ATOSA: variants seen among roughly 807,000 people sequenced by gnomAD.
ATOSA encodes the protein atos homolog A.
the ATOSA span, among the ~76,000 whole-genome samples, chr15:52,646,642 G>A: frequency 1.3e-5 from 2 of 151,976 alleles, no homozygotes; most frequent in African/African-American, 4.8e-5. Context: ...TTGAAGTGGG[G>A]GAAAAAAACC....
the ATOSA span, among the ~76,000 whole-genome samples, chr15:52,663,830 C>T: frequency 6.6e-6 from 1 of 152,048 alleles, no homozygotes; most frequent in Non-Finnish European, 1.5e-5. Flanking sequence ...CTCCCTATGT[C>T]ACCCAGGCTC....
At chr15:52,631,616 T>C in the ATOSA span, among the ~76,000 whole-genome samples, 7 of 152,192 alleles carry the variant, frequency 4.6e-5, no homozygotes, top group Non-Finnish European at 1.0e-4. Context: ...CTAGAATGCA[T>C]TTTACATTTT....
chr15:52,650,360 G>A, the ATOSA span, among the ~76,000 whole-genome samples: 2 of 151,976 alleles, frequency 1.3e-5, no homozygotes, highest in East Asian at 3.9e-4. Context: ...TCAAGTTTTT[G>A]GCTGCACCTT....
At chr15:52,619,559 T>C in the ATOSA span, among the ~76,000 whole-genome samples, 6 of 152,100 alleles carry the variant, frequency 3.9e-5, no homozygotes, top group Non-Finnish European at 8.8e-5. Context: ...ATAAATAAAT[T>C]ATTTGGCCAG....
chr15:52,683,459 T>C, the ATOSA span, among the ~76,000 whole-genome samples: 2 of 152,212 alleles, frequency 1.3e-5, no homozygotes, highest in African/African-American at 4.8e-5. Flanking sequence ...TTGGTTGATA[T>C]ACACTTAGGC....
chr15:52,604,358 A>G, the ATOSA span, among the ~76,000 whole-genome samples: 2 of 152,376 alleles, frequency 1.3e-5, no homozygotes, highest in African/African-American at 4.8e-5. Flanking sequence ...ATACATTTAA[A>G]TTCTACATCT....
chr15:52,692,254 C>T, the ATOSA span, among the ~76,000 whole-genome samples: 1 of 152,188 alleles, frequency 6.6e-6, no homozygotes, highest in Non-Finnish European at 1.5e-5. Flanking sequence ...AATTGCCATA[C>T]TATCTGAATA....
chr15:52,646,169 T>C, the ATOSA span, among the ~76,000 whole-genome samples: 1 of 152,310 alleles, frequency 6.6e-6, no homozygotes, highest in African/African-American at 2.4e-5. Flanking sequence ...CAACATCCTA[T>C]TTCCCACTGA....
At chr15:52,672,091 CT>C in the ATOSA span, among the ~76,000 whole-genome samples, 1 of 139,360 alleles carries the variant, frequency 7.2e-6, no homozygotes, top group Admixed American at 8.0e-5. Flanking sequence ...AATCCCAGCA[CT>C]TTGAGAGGCT....
chr15:52,604,990 T>C, the ATOSA span: 1 of 593,252 alleles, frequency 1.7e-6, no homozygotes, highest in East Asian at 3.2e-5. Flanking sequence ...AGCTGTAAAA[T>C]GTGTTATCAA....
At chr15:52,621,013 C>T in the ATOSA span, among the ~76,000 whole-genome samples, 7,202 of 152,204 alleles carry the variant, frequency 0.047, 314 homozygotes, top group East Asian at 0.24. Context: ...AAAAATTCTC[C>T]TTCTATGAAT....
At chr15:52,671,594 C>T in the ATOSA span, among the ~76,000 whole-genome samples, 1 of 151,952 alleles carries the variant, frequency 6.6e-6, no homozygotes, top group South Asian at 2.1e-4. Context: ...AAAGAAATTA[C>T]AAAATGTGGT....
the ATOSA span, among the ~76,000 whole-genome samples, chr15:52,690,834 G>A: frequency 2.6e-5 from 4 of 152,164 alleles, no homozygotes; most frequent in Non-Finnish European, 4.4e-5. Flanking sequence ...CAAGATAACA[G>A]ACTGAAAATA....
the ATOSA span, among the ~76,000 whole-genome samples, chr15:52,619,857 GA>G: frequency 8.0e-6 from 1 of 125,316 alleles, no homozygotes; most frequent in African/African-American, 2.6e-5. Flanking sequence ...GAAAAGAAAA[GA>G]AAAATAAATT....
the ATOSA span, among the ~76,000 whole-genome samples, chr15:52,638,990 G>T: frequency 7.2e-6 from 1 of 138,112 alleles, no homozygotes; most frequent in African/African-American, 2.7e-5. Context: ...TGATTATGAA[G>T]AAAAAAAATT....
At chr15:52,600,295 T>A in the ATOSA span, 1 of 1,056,646 alleles carries the variant, frequency 9.5e-7, no homozygotes, top group Non-Finnish European at 1.4e-6. Flanking sequence ...TTTTTTAATC[T>A]TGAGACAGGG....
the ATOSA span, chr15:52,582,153 A>T: frequency 1.3e-6 from 2 of 1,566,688 alleles, no homozygotes; most frequent in African/African-American, 2.8e-5. Context: ...ATCACTCCTT[A>T]TCAACATCTT....
the ATOSA span, among the ~76,000 whole-genome samples, chr15:52,691,607 GGA>G: frequency 6.6e-6 from 1 of 152,108 alleles, no homozygotes; most frequent in Admixed American, 6.5e-5. Context: ...GGCTGAGGTG[GGA>G]GAGTAGCTTG....
the ATOSA span, among the ~76,000 whole-genome samples, chr15:52,603,077 G>A: frequency 6.6e-6 from 1 of 152,144 alleles, no homozygotes; most frequent in African/African-American, 2.4e-5. Flanking sequence ...CCAGCAAGAC[G>A]CTGAAAATTT....
Sources: gnomAD v4.1 joint callset for allele counts (sites outside exome capture counted in the v4.1 genomes callset) on GRCh38, gnomAD v4.1.1 for gene constraint, MANE v1.5 for transcripts, NCBI Gene and HGNC (gene_info 2026-07-23, HGNC 2026-07-21) for gene names.